PHACTR3: variants seen among roughly 807,000 people sequenced by gnomAD.
PHACTR3 encodes the protein protein phosphatase 1, regulatory subunit 123.
PHACTR3 carries 16 observed loss-of-function variants against 66.8 expected under a neutral mutation model. The observed-to-expected ratio is 0.24, with a 90% confidence interval of 0.16 to 0.36. The LOEUF is 0.36. Ranked by LOEUF, PHACTR3 falls within the 10% of genes least tolerant of loss-of-function variation. The probability of loss-of-function intolerance (pLI) is 1.00; values close to 1 mark genes in which losing one functional copy is unlikely to be tolerated. For missense variants in PHACTR3, 647 were observed against 719.9 expected (o/e 0.90, Z 1.16); for synonymous variants, 323 against 292.1 (o/e 1.11, Z -1.08).
chr20:59,809,778 G>A (rs1305683215), intron 8 of PHACTR3, among the ~76,000 whole-genome samples: 2 of 152,158 alleles, frequency 1.3e-5, no homozygotes, highest in East Asian at 3.9e-4. Context: ...CAGTTCAGGC[G>A]CTGTAGTGAT....
At chr20:59,592,411 C>T (rs2033210241) in intron 1 of PHACTR3, among the ~76,000 whole-genome samples, 1 of 152,198 alleles carries the variant, frequency 6.6e-6, no homozygotes, top group African/African-American at 2.4e-5. Context: ...CCCACCAGAG[C>T]AGTACATCTG....
intron 5 of PHACTR3, among the ~76,000 whole-genome samples, chr20:59,769,244 C>T (rs1447742996): frequency 2.0e-4 from 30 of 152,218 alleles, no homozygotes; most frequent in Admixed American, 2.0e-3. Flanking sequence ...TGAATGGTGT[C>T]ACCCCAAAAT....
chr20:59,646,373 T>C (rs1167271942), intron 1 of PHACTR3, among the ~76,000 whole-genome samples: 1 of 152,360 alleles, frequency 6.6e-6, no homozygotes, highest in East Asian at 1.9e-4. Context: ...AACTACATTT[T>C]CTTGGTGACT....
intron 1 of PHACTR3, among the ~76,000 whole-genome samples, chr20:59,664,470 G>A (rs759452930): frequency 1.2e-4 from 19 of 152,078 alleles, no homozygotes; most frequent in Non-Finnish European, 2.2e-4. Flanking sequence ...TCTCGTAGCC[G>A]TTTCCTGGTG....
chr20:59,611,303 C>T (rs1432720206), intron 1 of PHACTR3, among the ~76,000 whole-genome samples: 2 of 152,258 alleles, frequency 1.3e-5, no homozygotes, highest in Non-Finnish European at 2.9e-5. Flanking sequence ...TCTCCAATCC[C>T]CTTGAGGTAA....
intron 1 of PHACTR3, among the ~76,000 whole-genome samples, chr20:59,638,824 AGATG>A (rs1384630208): frequency 1.3e-5 from 1 of 74,206 alleles, no homozygotes; most frequent in Non-Finnish European, 2.7e-5. Context: ...ATGGATGGGT[AGATG>A]GATGGATGGG....
At chr20:59,604,467 C>T, upstream of PHACTR3, 1 of 316,744 alleles carries the variant, frequency 3.2e-6, no homozygotes, top group Non-Finnish European at 4.6e-6. Flanking sequence ...TCTCCCGTGA[C>T]GTCATGCTCC....
upstream of PHACTR3, among the ~76,000 whole-genome samples, chr20:59,602,114 G>A (rs2033494377): frequency 6.6e-6 from 1 of 152,176 alleles, no homozygotes; most frequent in South Asian, 2.1e-4. Flanking sequence ...TTCGGTGCCT[G>A]CCTGGCTGAA....
chr20:59,591,527 G>T lies in PHACTR3; in HGVS notation c.109+13910G>T, dbSNP rs372957640. Among the ~76,000 whole-genome samples, 47 of 152,276 alleles carry T rather than the reference G, an allele frequency of 3.1e-4. No homozygotes were observed. The South Asian group carries it at 8.5e-3, about 28-fold the overall frequency. The stretch of plus-strand genomic sequence containing the variant: ...TTTTGGGTGAGGTGGACCAGGGACC[G>T]CTTTGTGGCACCAGCAACTCCAGCT... On this transcript the variant is annotated intron_variant, in intron 1 of 12. Transcript: ENST00000359926.
At chr20:59,802,726 C>G (rs988306908) in intron 7 of PHACTR3, among the ~76,000 whole-genome samples, 4 of 152,210 alleles carry the variant, frequency 2.6e-5, no homozygotes, top group African/African-American at 9.7e-5. Flanking sequence ...ATTTGCCCAT[C>G]CTTCCTCCTA....
chr20:59,795,880 T>C (rs2041239601), intron 7 of PHACTR3, among the ~76,000 whole-genome samples: 1 of 152,084 alleles, frequency 6.6e-6, no homozygotes, highest in Admixed American at 6.6e-5. Context: ...GAATCTCTTA[T>C]AGGCAGCATA....
chr20:59,710,330 A>G lies in PHACTR3; in HGVS notation c.119-32777A>G, dbSNP rs183039857. 3.3e-5 allele frequency among the ~76,000 whole-genome samples: 5 copies of G among 152,208 alleles called. No individual in the cohort carries two copies. The East Asian group carries it at 5.8e-4, about 18-fold the overall frequency. On this transcript the variant is annotated intron_variant, in intron 1 of 12. Transcript: ENST00000371015. The stretch of plus-strand genomic sequence containing the variant: ...TACCAGGCTCTAAGCAGACCTCAGG[A>G]AGGATGGGGCTGTCAGATGTGAGAT...
chr20:59,732,312 T>C (rs1450042464), intron 1 of PHACTR3, among the ~76,000 whole-genome samples: 1 of 152,142 alleles, frequency 6.6e-6, no homozygotes, highest in African/African-American at 2.4e-5. Context: ...CTTGAACGAG[T>C]GCTTTCGTGC....
At chr20:59,747,624 G>T in intron 2 of PHACTR3, 134 bp from the exon 3 acceptor site, 1 of 927,092 alleles carries the variant, frequency 1.1e-6, no homozygotes, top group African/African-American at 1.6e-5. Flanking sequence ...AGTGGACTAG[G>T]CCCCCTAACC....
intron 7 of PHACTR3, among the ~76,000 whole-genome samples, chr20:59,776,451 G>A (rs2040540299): frequency 6.6e-6 from 1 of 152,172 alleles, no homozygotes; most frequent in Non-Finnish European, 1.5e-5. Flanking sequence ...CCTTGGCACA[G>A]GGCCTGGCTC....
rs2042323827 is a variant in PHACTR3, at chr20:59,830,275, G to T, written c.1329-6230G>T. On this transcript the variant is annotated intron_variant, in intron 8 of 12. Transcript: ENST00000371015. This position sits in a 1 kb window ranked among gnomAD's most constrained non-coding sequence, Gnocchi z 5.8. ...GTGTCTGATAGAAGAGGGTATGAGT[G>T]TCTGATGGAAGCAAGTGAGTGATGG... Among the ~76,000 whole-genome samples, 1 of 152,074 alleles carries T rather than the reference G, an allele frequency of 6.6e-6. No individual in the cohort carries two copies. The highest frequency in any genetic ancestry group is 1.5e-5 in the Non-Finnish European group (1 of 68,010).
Position 59,829,547 on chromosome 20 carries a change from C to A in PHACTR3, c.1329-6958C>A, listed in dbSNP as rs777360477. On this transcript the variant is annotated intron_variant, in intron 8 of 12. Coordinates refer to ENST00000371015, the MANE Select transcript of PHACTR3 (RefSeq NM_080672.5). This position sits in a 1 kb window ranked among gnomAD's most constrained non-coding sequence, Gnocchi z 4.2. ...AAGCAGACGAGACATCTGCCCCATT[C>A]ACCATCAGATGTCTGAGGATGCATC... Among the ~76,000 whole-genome samples the A allele has an allele frequency of 6.6e-6, 1 of 152,252 alleles. No homozygotes were observed. The highest frequency in any genetic ancestry group is 1.5e-5 in the Non-Finnish European group (1 of 68,042).
chr20:59,810,098 A>T (rs981155396), intron 8 of PHACTR3, among the ~76,000 whole-genome samples: 2 of 152,358 alleles, frequency 1.3e-5, no homozygotes, highest in East Asian at 3.9e-4. Flanking sequence ...AACAAAAAAA[A>T]AGGTAAGTAA....
intron 1 of PHACTR3, among the ~76,000 whole-genome samples, chr20:59,708,045 G>C (rs903053144): frequency 2.0e-5 from 3 of 152,202 alleles, no homozygotes; most frequent in African/African-American, 7.2e-5. Context: ...GGCCCAGCCT[G>C]GTCACATGTC....
Sources: gnomAD v4.1 joint callset for allele counts (sites outside exome capture counted in the v4.1 genomes callset) on GRCh38, gnomAD v4.1.1 for gene constraint, Gnocchi (gnomAD v3.1) non-coding constraint, MANE v1.5 for transcripts, NCBI Gene and HGNC (gene_info 2026-07-23, HGNC 2026-07-21) for gene names.